ASIC2: variants seen among roughly 807,000 people sequenced by gnomAD.
ASIC2 encodes the protein acid sensing ion channel subunit 2.
A neutral mutation model predicts 57.3 loss-of-function variants in ASIC2; 25 were observed. The observed-to-expected ratio is 0.44, with a 90% CI of 0.32 to 0.61. ASIC2 has a LOEUF of 0.61. ASIC2 is among the 20% of genes least tolerant of loss of function. The pLI, the probability that ASIC2 is intolerant of heterozygous loss-of-function variation, is 0.06. For missense variants in ASIC2, 641 were observed against 738.1 expected (o/e 0.87, Z 1.52); for synonymous variants, 319 against 307.5 (o/e 1.04, Z -0.39).
At chr17:33,313,036 A>G (rs1825462716) in intron 1 of ASIC2, among the ~76,000 whole-genome samples, 1 of 152,222 alleles carries the variant, frequency 6.6e-6, no homozygotes, top group African/African-American at 2.4e-5. Flanking sequence ...GGCTGGTTGC[A>G]GTGCCTCACA....
chr17:34,132,809 T>C (rs1912028859), intron 1 of ASIC2, among the ~76,000 whole-genome samples: 1 of 152,176 alleles, frequency 6.6e-6, no homozygotes, highest in African/African-American at 2.4e-5. Context: ...TAGGTGTTCT[T>C]TATAAGCTGT....
chr17:33,867,991 C>T (rs1914286763), intron 1 of ASIC2, among the ~76,000 whole-genome samples: 1 of 152,184 alleles, frequency 6.6e-6, no homozygotes, highest in Non-Finnish European at 1.5e-5. Context: ...ATTCACATCT[C>T]CTGGTTCATA....
At chr17:33,419,643 T>G (rs182812345) in intron 1 of ASIC2, among the ~76,000 whole-genome samples, 14 of 152,360 alleles carry the variant, frequency 9.2e-5, no homozygotes, top group Non-Finnish European at 2.1e-4. Context: ...TTTTAAAGTA[T>G]GTTTTTCACA....
chr17:33,429,272 T>C (rs62070486), intron 1 of ASIC2, among the ~76,000 whole-genome samples: 29,206 of 152,184 alleles, frequency 0.19, 3,272 homozygotes, highest in Non-Finnish European at 0.25. Context: ...GCTTTTGGCT[T>C]AGTAGAGACA....
rs995157712 is a variant in ASIC2, at chr17:34,156,541, C to T, written c.-9G>A. 5 of 1,572,570 alleles carry T rather than the reference C, an allele frequency of 3.2e-6. No homozygotes were observed. The highest frequency in any genetic ancestry group is 1.8e-4 in the Middle Eastern group (1 of 5,590). ...CTTTCCTTGAGGTCCATCGGGACCC[C>T]GTGCAGTTCCGCAACTGGCTTCAGG... is the stretch of plus-strand genomic sequence containing the variant. On this transcript the variant is annotated 5_prime_UTR_variant, in exon 1 of 10. Transcript: ENST00000359872. The surrounding 1 kb of genome is among the most constrained non-coding windows in gnomAD (Gnocchi z 4.4).
At chr17:33,037,389 C>CT (rs35286664) in intron 3 of ASIC2, among the ~76,000 whole-genome samples, 2,264 of 123,680 alleles carry the variant, frequency 0.018, 64 homozygotes, top group African/African-American at 0.054. Flanking sequence ...ACTTCCCCCT[C>CT]TTTTTTTTTT....
intron 1 of ASIC2, among the ~76,000 whole-genome samples, chr17:34,046,433 T>C (rs1283625687): frequency 6.6e-6 from 1 of 152,142 alleles, no homozygotes; most frequent in African/African-American, 2.4e-5. Flanking sequence ...TCATTGAAAA[T>C]TTATTTGTTA....
chr17:33,865,362 T>C (rs1330710222), intron 1 of ASIC2, among the ~76,000 whole-genome samples: 1 of 152,204 alleles, frequency 6.6e-6, no homozygotes. Flanking sequence ...AAGAGAAGCA[T>C]CTTTTCTTTC....
At chr17:33,208,816 T>C (rs375116160) in intron 1 of ASIC2, among the ~76,000 whole-genome samples, 17 of 152,038 alleles carry the variant, frequency 1.1e-4, no homozygotes, top group African/African-American at 3.6e-4. Flanking sequence ...TAAATATCTG[T>C]TGAATGGAAA....
intron 1 of ASIC2, among the ~76,000 whole-genome samples, chr17:33,951,381 C>T (rs1256282570): frequency 2.0e-5 from 3 of 151,936 alleles, no homozygotes; most frequent in East Asian, 1.9e-4. Context: ...CAGGACTCTC[C>T]GACTCCAAAG....
chr17:33,229,647 C>T (rs916479589), intron 1 of ASIC2, among the ~76,000 whole-genome samples: 2 of 152,196 alleles, frequency 1.3e-5, no homozygotes, highest in African/African-American at 2.4e-5. Flanking sequence ...AGACATGAAA[C>T]GGTACAGCTC....
chr17:34,025,472 A>C (rs954143135), intron 1 of ASIC2, among the ~76,000 whole-genome samples: 1 of 152,144 alleles, frequency 6.6e-6, no homozygotes, highest in Non-Finnish European at 1.5e-5. Flanking sequence ...ACCTTGCATA[A>C]ACATTCAGGA....
At chr17:33,388,530 C>T (rs1909777431) in intron 1 of ASIC2, among the ~76,000 whole-genome samples, 2 of 152,218 alleles carry the variant, frequency 1.3e-5, no homozygotes, top group South Asian at 4.1e-4. Context: ...CCCCACTTCT[C>T]ATGTGTGCAT....
intron 1 of ASIC2, among the ~76,000 whole-genome samples, chr17:33,153,194 G>C (rs1041351696): frequency 1.3e-5 from 2 of 152,214 alleles, no homozygotes; most frequent in African/African-American, 4.8e-5. Context: ...AGCCAGGTGG[G>C]GGTAGAGCCA....
intron 1 of ASIC2, among the ~76,000 whole-genome samples, chr17:33,137,507 C>T (rs1433373037): frequency 3.3e-5 from 5 of 152,156 alleles, no homozygotes; most frequent in Admixed American, 3.3e-4. Flanking sequence ...GGAGCCAGTT[C>T]CTGCTATGGA....
chr17:33,161,002 C>G (rs369159220), intron 1 of ASIC2, among the ~76,000 whole-genome samples: 1 of 152,208 alleles, frequency 6.6e-6, no homozygotes, highest in African/African-American at 2.4e-5. Flanking sequence ...CCTGAAACAG[C>G]TTGGAGCTGG....
At chr17:33,374,905 G>A (rs1441191620) in intron 1 of ASIC2, among the ~76,000 whole-genome samples, 2 of 152,142 alleles carry the variant, frequency 1.3e-5, no homozygotes, top group African/African-American at 4.8e-5. Context: ...CCACAGCCAT[G>A]AGAGTTATGG....
chr17:33,707,818 A>T (rs1296672851), intron 1 of ASIC2, among the ~76,000 whole-genome samples: 2 of 152,186 alleles, frequency 1.3e-5, no homozygotes, highest in Non-Finnish European at 2.9e-5. Flanking sequence ...CCTGACTTCC[A>T]TTAGGATGCT....
intron 8 of ASIC2, among the ~76,000 whole-genome samples, chr17:33,017,221 T>C (rs1452660585): frequency 2.6e-5 from 4 of 152,134 alleles, no homozygotes; most frequent in Admixed American, 2.6e-4. Context: ...GGAGGGAGTG[T>C]GTGTGCAGGT....
Sources: gnomAD v4.1 joint callset for allele counts (sites outside exome capture counted in the v4.1 genomes callset) on GRCh38, gnomAD v4.1.1 for gene constraint, Gnocchi (gnomAD v3.1) non-coding constraint, MANE v1.5 for transcripts, NCBI Gene and HGNC (gene_info 2026-07-23, HGNC 2026-07-21) for gene names.